The following FILIP1L variants were observed in gnomAD, a reference collection of about 807,000 sequenced individuals.
FILIP1L encodes the protein filamin A-interacting protein 1-like.
In FILIP1L, 55 loss-of-function variants were observed where a neutral mutation model predicts 96.6. The observed-to-expected ratio is 0.57, with a 90% confidence interval of 0.46 to 0.71. FILIP1L has a LOEUF of 0.71. Ranked by LOEUF, FILIP1L falls within the 30% of genes least tolerant of loss-of-function variation. The pLI, the probability that FILIP1L is intolerant of heterozygous loss-of-function variation, is 0.00. For missense variants in FILIP1L, 1,304 were observed against 1,321.2 expected (o/e 0.99, Z 0.20); for synonymous variants, 467 against 473.9 (o/e 0.99, Z 0.19).
chr3:100,102,557 TC>T (rs1559758292), intron 1 of FILIP1L, among the ~76,000 whole-genome samples: 1 of 152,210 alleles, frequency 6.6e-6, no homozygotes. Flanking sequence ...CTTTTTATAT[TC>T]CATATTGTTT....
Position 100,015,514 on chromosome 3 carries a change from A to G in FILIP1L, c.-10-84484T>C, listed in dbSNP as rs546261099. On this transcript the variant is annotated intron_variant, in intron 1 of 5. Coordinates refer to ENST00000477258, the MANE Select transcript of FILIP1L (RefSeq NM_001387850.1). ...CAGTATTCATTTTTCTAATTCATGA[A>G]CACAGGATATCTTTCCATTTATTTG... 9.2e-5 allele frequency among the ~76,000 whole-genome samples: 14 copies of G among 152,312 alleles called. No individual in the cohort carries two copies. The South Asian group carries it at 2.5e-3, about 27-fold the overall frequency.
chr3:99,912,482 A>G (rs372045242), intron 4 of FILIP1L, among the ~76,000 whole-genome samples: 6 of 152,128 alleles, frequency 3.9e-5, no homozygotes, highest in African/African-American at 1.4e-4. Flanking sequence ...GACTCAGGTG[A>G]TCCTCCTACC....
chr3:99,941,943 G>C (rs1707861492), intron 1 of FILIP1L, among the ~76,000 whole-genome samples: 4 of 152,308 alleles, frequency 2.6e-5, no homozygotes, highest in Admixed American at 2.0e-4. Context: ...GGTGGGAAAA[G>C]AAGACTAAGG....
At chr3:99,879,529 C>T (rs183480521) in intron 4 of FILIP1L, among the ~76,000 whole-genome samples, 2 of 152,284 alleles carry the variant, frequency 1.3e-5, no homozygotes, top group East Asian at 3.9e-4. Context: ...TCTTCTCTCC[C>T]TGCCTTTGTT....
intron 4 of FILIP1L, among the ~76,000 whole-genome samples, chr3:99,922,364 T>A (rs1707151388): frequency 6.6e-6 from 1 of 152,210 alleles, no homozygotes; most frequent in Non-Finnish European, 1.5e-5. Context: ...CCAGATTTCT[T>A]GTGCTCCTTT....
At chr3:100,033,530 T>G (rs1281843627) in intron 1 of FILIP1L, among the ~76,000 whole-genome samples, 1 of 152,196 alleles carries the variant, frequency 6.6e-6, no homozygotes, top group African/African-American at 2.4e-5. Flanking sequence ...ATTCTTAAAG[T>G]TGGACTCTGT....
intron 4 of FILIP1L, among the ~76,000 whole-genome samples, chr3:99,896,550 A>G (rs1351090779): frequency 6.6e-6 from 1 of 152,242 alleles, no homozygotes; most frequent in African/African-American, 2.4e-5. Context: ...GTCAGGAAAT[A>G]GGACCCTTTA....
chr3:100,092,923 C>T (rs1008413832), intron 1 of FILIP1L, among the ~76,000 whole-genome samples: 5 of 151,800 alleles, frequency 3.3e-5, no homozygotes. Flanking sequence ...GTTTAGCTAT[C>T]TATAAATATG....
intron 4 of FILIP1L, among the ~76,000 whole-genome samples, chr3:99,870,339 A>G (rs1204767164): frequency 6.6e-6 from 1 of 152,208 alleles, no homozygotes; most frequent in Non-Finnish European, 1.5e-5. Context: ...CAGTGTCACT[A>G]TTCAGCAAGG....
At chr3:99,988,609 T>A (rs775780981) in intron 1 of FILIP1L, among the ~76,000 whole-genome samples, 13 of 152,154 alleles carry the variant, frequency 8.5e-5, no homozygotes, top group Non-Finnish European at 1.5e-4. Flanking sequence ...AACTTTGTTT[T>A]AAAGACCATT....
chr3:99,942,657 C>A (rs1707884906), intron 1 of FILIP1L, among the ~76,000 whole-genome samples: 1 of 151,960 alleles, frequency 6.6e-6, no homozygotes, highest in African/African-American at 2.4e-5. Flanking sequence ...CATGGTGAAA[C>A]CCCGTCTCTA....
At chr3:99,999,907 A>C (rs1441768882) in intron 1 of FILIP1L, among the ~76,000 whole-genome samples, 1 of 152,150 alleles carries the variant, frequency 6.6e-6, no homozygotes, top group Admixed American at 6.5e-5. Flanking sequence ...AATTCCCTCC[A>C]TATTGGACTA....
intron 1 of FILIP1L, among the ~76,000 whole-genome samples, chr3:99,961,192 G>A (rs1004982677): frequency 6.6e-6 from 1 of 152,232 alleles, no homozygotes; most frequent in African/African-American, 2.4e-5. Flanking sequence ...CTTCCAGGAT[G>A]AGGGAGGTGG....
chr3:100,095,165 T>G (rs2066182981), intron 1 of FILIP1L, among the ~76,000 whole-genome samples: 1 of 152,214 alleles, frequency 6.6e-6, no homozygotes. Context: ...ATAGGTACAC[T>G]GATTCCTCCC....
intron 3 of FILIP1L, among the ~76,000 whole-genome samples, chr3:99,924,990 C>T (rs149561108): frequency 3.3e-5 from 5 of 152,278 alleles, no homozygotes; most frequent in East Asian, 1.9e-4. Context: ...CTTTCTGACA[C>T]TCTTATGTCT....
intron 4 of FILIP1L, among the ~76,000 whole-genome samples, chr3:99,870,677 A>G (rs933631026): frequency 6.6e-6 from 1 of 152,214 alleles, no homozygotes; most frequent in Admixed American, 6.5e-5. Flanking sequence ...GGAGAATTAT[A>G]AGCCCTAGGC....
At chr3:99,853,027 T>C (rs955309975) in intron 4 of FILIP1L, among the ~76,000 whole-genome samples, 5 of 152,184 alleles carry the variant, frequency 3.3e-5, no homozygotes, top group Non-Finnish European at 7.3e-5. Flanking sequence ...GATGATCTCA[T>C]CCAAGGTCTT....
chr3:100,088,517 A>G (rs1197588498), intron 1 of FILIP1L, among the ~76,000 whole-genome samples: 1 of 152,252 alleles, frequency 6.6e-6, no homozygotes, highest in East Asian at 1.9e-4. Flanking sequence ...TTTGTAGGAA[A>G]TGAATATTCT....
intron 1 of FILIP1L, among the ~76,000 whole-genome samples, chr3:100,080,183 C>T (rs1182499093): frequency 6.6e-6 from 1 of 151,992 alleles, no homozygotes; most frequent in Non-Finnish European, 1.5e-5. Context: ...GGGATCTCGC[C>T]ATATTGCCCA....
Sources: allele counts gnomAD v4.1 joint callset (sites outside exome capture counted in the v4.1 genomes callset), GRCh38; gene constraint gnomAD v4.1.1; transcripts MANE v1.5; gene names NCBI Gene and HGNC (gene_info 2026-07-23, HGNC 2026-07-21).